The following GRM8 variants were observed in gnomAD, a reference collection of about 807,000 sequenced individuals.
The protein encoded by GRM8 is metabotropic glutamate receptor 8.
Under a neutral mutation model 87.2 loss-of-function variants are expected in GRM8, and 47 were observed. That is an observed-to-expected ratio of 0.54 (90% CI 0.43 to 0.69). GRM8 has a LOEUF of 0.69. GRM8 is among the 30% of genes least tolerant of loss of function. The pLI, the probability that GRM8 is intolerant of heterozygous loss-of-function variation, is 0.00. For missense variants in GRM8, 1,019 were observed against 1,139.2 expected, an observed-to-expected ratio of 0.89 and a Z score of 1.52; for synonymous variants, 396 against 404.5, an observed-to-expected ratio of 0.98 and a Z score of 0.25.
intron 3 of GRM8, among the ~76,000 whole-genome samples, chr7:126,950,898 C>T (rs184248563): frequency 2.0e-5 from 3 of 150,892 alleles, no homozygotes; most frequent in East Asian, 2.0e-4. Context: ...GCAGCAGCTA[C>T]ATGTAGCAGC....
At chr7:126,507,678 GCAACATTAAAGTAT>G (rs1040707296) in intron 9 of GRM8, among the ~76,000 whole-genome samples, 1 of 151,844 alleles carries the variant, frequency 6.6e-6, no homozygotes, top group African/African-American at 2.4e-5. Flanking sequence ...TTCACTATTG[GCAACATTAAAGTAT>G]CAACTTCCCT....
intron 3 of GRM8, among the ~76,000 whole-genome samples, chr7:126,991,626 CAT>C (rs1812662993): frequency 6.6e-6 from 1 of 152,072 alleles, no homozygotes; most frequent in African/African-American, 2.4e-5. Flanking sequence ...TAAACCAAAA[CAT>C]ATGCAAATAC....
In GRM8 at chr7:126,915,980, A is replaced by G. The variant is rs1803855348; in HGVS notation, c.728-11297T>C. Among the ~76,000 whole-genome samples the G allele has an allele frequency of 2.6e-5, 4 of 152,230 alleles. No homozygotes were observed. The South Asian group carries it at 8.3e-4, about 32-fold the overall frequency. On this transcript the variant is annotated intron_variant, in intron 3 of 10. Transcript: ENST00000339582. ...GTGATTTGTGATCTTTATTTGTTCT[A>G]TTTGTTTTTGCCATTTCAAATTAGG... is the stretch of plus-strand genomic sequence containing the variant.
chr7:126,781,389 G>T (rs993137489), intron 6 of GRM8, among the ~76,000 whole-genome samples: 7 of 152,158 alleles, frequency 4.6e-5, no homozygotes, highest in African/African-American at 1.7e-4. Flanking sequence ...TCCAACCCAG[G>T]AACAGAGAAA....
At chr7:126,477,615 G>GAAAGAAAGAAAGA (rs1806136859) in intron 9 of GRM8, among the ~76,000 whole-genome samples, 1 of 127,616 alleles carries the variant, frequency 7.8e-6, no homozygotes, top group African/African-American at 3.0e-5. Context: ...AAGAAAGAAA[G>GAAAGAAAGAAAGA]AAAGAAAGAA....
rs199551623 is a variant in GRM8 at position 126,922,396 on chromosome 7, G to A, written c.728-17713C>T. 1.7e-4 allele frequency among the ~76,000 whole-genome samples: 26 copies of A among 151,742 alleles called. No individual in the cohort carries two copies. The East Asian group carries it at 2.9e-3, about 17-fold the overall frequency. Reference sequence around the variant, plus strand: ...GTGGGGAGTTAAGTCATCGTCTTCCGTAGTAGACAATCAAAATGAAAGCTA... The same window carrying A: ...GTGGGGAGTTAAGTCATCGTCTTCCATAGTAGACAATCAAAATGAAAGCTA... On this transcript the variant is annotated intron_variant, in intron 3 of 10. Coordinates refer to ENST00000339582, the MANE Select transcript of GRM8 (RefSeq NM_000845.3).
chr7:126,453,666 A>G (rs906030929), intron 9 of GRM8, among the ~76,000 whole-genome samples: 1 of 151,864 alleles, frequency 6.6e-6, no homozygotes, highest in Non-Finnish European at 1.5e-5. Context: ...ATAATTAAAC[A>G]TAAGTGATCT....
intron 2 of GRM8, among the ~76,000 whole-genome samples, chr7:127,157,802 C>T (rs930496578): frequency 3.3e-5 from 5 of 152,114 alleles, no homozygotes; most frequent in South Asian, 2.1e-4. Flanking sequence ...CACATTCACA[C>T]GCAAAACAAT....
intron 6 of GRM8, among the ~76,000 whole-genome samples, chr7:126,838,217 C>A (rs1489249407): frequency 1.3e-5 from 2 of 151,968 alleles, no homozygotes; most frequent in Non-Finnish European, 1.5e-5. Context: ...AGTTACATGA[C>A]AAATAACTGA....
chr7:126,643,319 A>AAAAAATATAT (rs1802666066), intron 7 of GRM8, among the ~76,000 whole-genome samples: 1 of 36,204 alleles, frequency 2.8e-5, no homozygotes, highest in African/African-American at 1.3e-4. Flanking sequence ...AAAAAAAAAA[A>AAAAAATATAT]ATATATATAT....
chr7:126,881,935 C>T (rs1800060646), intron 6 of GRM8, among the ~76,000 whole-genome samples: 1 of 152,112 alleles, frequency 6.6e-6, no homozygotes, highest in Non-Finnish European at 1.5e-5. Flanking sequence ...AAGAATGAGT[C>T]ATAAAAGACA....
At chr7:127,189,416 A>G (rs1454779951) in intron 2 of GRM8, among the ~76,000 whole-genome samples, 1 of 152,170 alleles carries the variant, frequency 6.6e-6, no homozygotes, top group East Asian at 1.9e-4. Context: ...TGCCCTGTAC[A>G]GCAGGTCCAG....
At chr7:127,219,670 A>T (rs1320079734) in intron 2 of GRM8, 1 of 152,230 alleles carries the variant, frequency 6.6e-6, no homozygotes, top group Admixed American at 6.5e-5. Context: ...TCCTGGCCTC[A>T]AGTGATGTTC....
chr7:126,832,728 A>C (rs2130447931), intron 6 of GRM8, among the ~76,000 whole-genome samples: 1 of 152,308 alleles, frequency 6.6e-6, no homozygotes, highest in African/African-American at 2.4e-5. Flanking sequence ...AGAAACCTGC[A>C]CTTTTGGTAC....
rs150214456 is a variant in GRM8, at chr7:126,635,805, T to C, written c.1358-26307A>G. 7.2e-3 allele frequency among the ~76,000 whole-genome samples: 1,092 copies of C among 152,208 alleles called. 7 individuals are homozygous for C. The highest frequency in any genetic ancestry group is 9.4e-3 in the Non-Finnish European group (637 of 67,966). On this transcript the variant is annotated intron_variant, in intron 7 of 10. Coordinates refer to ENST00000339582, the MANE Select transcript of GRM8 (RefSeq NM_000845.3). The stretch of plus-strand genomic sequence containing the variant: ...ACTGCTACTCAGATCACAGACACAC[T>C]TGTTAAAGGACTATAATGTGATTCA...
At chr7:126,459,069 C>T (rs560792370) in intron 9 of GRM8, among the ~76,000 whole-genome samples, 11 of 149,282 alleles carry the variant, frequency 7.4e-5, no homozygotes, top group Admixed American at 2.7e-4. Flanking sequence ...AAGAAGAAAG[C>T]GATAAGACAG....
At chr7:126,621,756 C>G (rs1181455173) in intron 7 of GRM8, among the ~76,000 whole-genome samples, 1 of 152,008 alleles carries the variant, frequency 6.6e-6, no homozygotes, top group Non-Finnish European at 1.5e-5. Flanking sequence ...ATTCACGCAT[C>G]TTGACACATA....
At chr7:127,124,681 A>T (rs1433903089) in intron 2 of GRM8, among the ~76,000 whole-genome samples, 1 of 152,178 alleles carries the variant, frequency 6.6e-6, no homozygotes, top group Non-Finnish European at 1.5e-5. Flanking sequence ...ATGAACCTCC[A>T]TTTAGAAATT....
At chr7:127,200,422 A>G (rs770241146) in intron 2 of GRM8, among the ~76,000 whole-genome samples, 2 of 152,250 alleles carry the variant, frequency 1.3e-5, no homozygotes, top group Admixed American at 1.3e-4. Flanking sequence ...ACATCTTTAC[A>G]TCACTTTAAA....
Sources: gnomAD v4.1 joint callset for allele counts (sites outside exome capture counted in the v4.1 genomes callset) on GRCh38, gnomAD v4.1.1 for gene constraint, MANE v1.5 for transcripts, NCBI Gene and HGNC (gene_info 2026-07-23, HGNC 2026-07-21) for gene names.